RPF1: variants seen among roughly 807,000 people sequenced by gnomAD.
The protein encoded by RPF1 is ribosome production factor 1 homolog, also known as ribosome production factor 1.
A neutral mutation model predicts 41.9 loss-of-function variants in RPF1; 34 were observed. The observed-to-expected ratio is 0.81, with a 90% CI of 0.62 to 1.08. The LOEUF is 1.08. Ranked by LOEUF, RPF1 falls within the 50% of genes least tolerant of loss-of-function variation. The probability of loss-of-function intolerance (pLI) is 0.00; values close to 1 mark genes in which losing one functional copy is unlikely to be tolerated. For missense variants in RPF1, 425 were observed against 435.2 expected, an observed-to-expected ratio of 0.98 and a Z score of 0.21; for synonymous variants, 140 against 148.9, an observed-to-expected ratio of 0.94 and a Z score of 0.43.
intron 5 of RPF1, among the ~76,000 whole-genome samples, chr1:84,494,630 T>A (rs1681896084): frequency 6.6e-6 from 1 of 152,162 alleles, no homozygotes; most frequent in African/African-American, 2.4e-5. Flanking sequence ...TGAAGAATAT[T>A]ATATAGGTAG....
chr1:84,490,547 G>T, intron 5 of RPF1, 75 bp downstream of exon 5: 1 of 1,014,146 alleles, frequency 9.9e-7, no homozygotes, highest in Non-Finnish European at 1.4e-6. Context: ...AAAAGAATAA[G>T]GAAATATTGC....
chr1:84,482,999 A>G lies in RPF1; in HGVS notation c.366+4A>G, dbSNP rs765670625. On this transcript the variant is annotated splice_donor_region_variant and intron_variant, in intron 3 of 8. Transcript: ENST00000370654. The stretch of plus-strand genomic sequence containing the variant: ...AGTAGACCCTAATGATGAAGAGGTA[A>G]TGTTAGAAGTCTTAAATTAGTTTGA... 3 of 1,532,890 alleles carry G rather than the reference A, an allele frequency of 2.0e-6. No homozygotes were observed. In the South Asian group the frequency reaches 3.4e-5, roughly 17 times the overall value. 95.0% of individuals were successfully genotyped at this position (1,532,890 alleles called of 1,614,324 possible). A position where few individuals can be genotyped will look rare whatever the true frequency, so the allele number is the denominator to read the frequency against.
chr1:84,480,240 GCGT>G, intron 1 of RPF1, among the ~76,000 whole-genome samples: 1 of 152,170 alleles, frequency 6.6e-6, no homozygotes, highest in Non-Finnish European at 1.5e-5. Flanking sequence ...CATACAAGGG[GCGT>G]TTAACTCATT....
At chr1:84,483,141 G>A in intron 3 of RPF1, 146 bp downstream of exon 3, 3 of 500,930 alleles carry the variant, frequency 6.0e-6, no homozygotes, top group South Asian at 4.4e-5. Flanking sequence ...CTTATTATTT[G>A]GTGAAGACTA....
At chr1:84,480,803 G>A (rs72948421) in intron 1 of RPF1, among the ~76,000 whole-genome samples, 153 bp from the exon 2 acceptor site, 9,329 of 152,212 alleles carry the variant, frequency 0.061, 334 homozygotes, top group Non-Finnish European at 0.077. Flanking sequence ...AGTAATTTAG[G>A]TAGAAAACTC....
intron 2 of RPF1, among the ~76,000 whole-genome samples, chr1:84,482,247 A>G (rs1681663402): frequency 6.6e-6 from 1 of 152,112 alleles, no homozygotes; most frequent in African/African-American, 2.4e-5. Flanking sequence ...TCTGTGTTCT[A>G]CTTCTTAGCA....
intron 5 of RPF1, among the ~76,000 whole-genome samples, chr1:84,492,483 C>T (rs7541850): frequency 0.19 from 29,204 of 152,108 alleles, 4,337 homozygotes; most frequent in African/African-American, 0.41. Context: ...CCATTATTTT[C>T]TAGTTTTGTG....
chr1:84,490,871 G>GT (rs1269244136), intron 5 of RPF1, among the ~76,000 whole-genome samples: 1 of 152,220 alleles, frequency 6.6e-6, no homozygotes, highest in East Asian at 1.9e-4. Context: ...CCCATAGAAA[G>GT]AGATGCTGAA....
chr1:84,489,894 A>G (rs1202197910), intron 4 of RPF1, among the ~76,000 whole-genome samples, 166 bp downstream of exon 4: 2 of 152,244 alleles, frequency 1.3e-5, no homozygotes, highest in African/African-American at 2.4e-5. Context: ...TTTACTAAAC[A>G]TGATTCTTCA....
chr1:84,481,004 G>A lies in RPF1; in HGVS notation c.277G>A (p.Gly93Ser), dbSNP rs763657405. 1.9e-6 allele frequency: 3 copies of A among 1,584,734 alleles called. No homozygotes were observed. Among genetic ancestry groups the A allele is most frequent in the Non-Finnish European group, 2.6e-6 (3 of 1,158,826 alleles). ...KKLKKEREAL[G>S]DKAPPKPVPK... is the part of the protein sequence containing the mutation. ...ACTTAAAAAAGAAAGAGAGGCTCTT[G>A]GCGATAAGGTAAATAAAATTTTTAG... The change falls in exon 2 of 9, where the codon GGC becomes AGC. Residue 93 changes from glycine (G) to serine (S), a missense_variant. Transcript: ENST00000370654.
intron 8 of RPF1, 69 bp downstream of exon 8, chr1:84,496,439 G>A: frequency 7.2e-7 from 1 of 1,379,472 alleles, no homozygotes. Context: ...GGAGGAGAGA[G>A]AGCATCAGGA....
rs149970308 is a variant in RPF1, at chr1:84,496,004, C to T, written c.822C>T (p.Ile274=). 5.6e-5 allele frequency: 91 copies of T among 1,612,174 alleles called. No homozygotes were observed. The African/African-American group carries it at 7.6e-4, about 13-fold the overall frequency. ...ASLFPHNPQF[I]GRQVATFHNQ... ...TCTTTCCTCATAATCCTCAATTTAT[C>T]GGAAGGCAGGTTGCCACATTCCACA... The change falls in exon 7 of 9, where the codon ATC becomes ATT. Residue 274 remains isoleucine (I), a synonymous_variant. Coordinates refer to ENST00000370654, the MANE Select transcript of RPF1 (RefSeq NM_025065.7).
rs560629472 is a variant in RPF1 at position 84,496,205 on chromosome 1, A to G, written c.882-39A>G. ...GAACCCTGTCATAATGTTAAACAAT[A>G]GCTCATTCAGACTAATTTAACTCTT... On this transcript the variant is annotated intron_variant, in intron 7 of 8. Coordinates refer to ENST00000370654, the MANE Select transcript of RPF1 (RefSeq NM_025065.7). 1.9e-6 allele frequency: 3 copies of G among 1,579,296 alleles called. No homozygotes were observed. The South Asian group carries it at 3.4e-5, about 18-fold the overall frequency.
At chr1:84,491,698 CT>C (rs1293086089) in intron 5 of RPF1, among the ~76,000 whole-genome samples, 2 of 152,130 alleles carry the variant, frequency 1.3e-5, no homozygotes, top group African/African-American at 2.4e-5. Flanking sequence ...CTGTTTTCCT[CT>C]TTTTATTTTT....
chr1:84,481,369 G>A (rs933399238), intron 2 of RPF1, among the ~76,000 whole-genome samples: 6 of 152,194 alleles, frequency 3.9e-5, no homozygotes, highest in Non-Finnish European at 5.9e-5. Flanking sequence ...TGTTTCAGAG[G>A]TCAACACCTC....
rs1356089430 is a variant in RPF1, at chr1:84,497,029, A to G, written c.1009-400A>G. The stretch of plus-strand genomic sequence containing the variant: ...TGGGATTACAAGTGTGCACCACCAC[A>G]CCGGCTAATCTTTTCTATTTTTAGT... On this transcript the variant is annotated intron_variant, in intron 8 of 8. Transcript: ENST00000370654. Among the ~76,000 whole-genome samples the G allele has an allele frequency of 4.0e-5, 6 of 151,738 alleles. No homozygotes were observed. In the East Asian group the frequency reaches 1.2e-3, roughly 29 times the overall value.
Position 84,480,978 on chromosome 1 carries a change from AACTT to A in RPF1, c.253_256del (p.Leu85LysfsTer31). On this transcript the variant is annotated frameshift_variant, in exon 2 of 9. Coordinates refer to ENST00000370654, the MANE Select transcript of RPF1 (RefSeq NM_025065.7). LOFTEE classifies it high-confidence loss of function. ...TAGGAAAAGTTGGCAGCTAAGAAAA[AACTT>A]AAAAAAGAAAGAGAGGCTCTTGGCG... 1.3e-6 allele frequency: 2 copies of A among 1,594,660 alleles called. No homozygotes were observed. Among genetic ancestry groups the A allele is most frequent in the Non-Finnish European group, 1.7e-6 (2 of 1,165,696 alleles).
At position 84,489,635 on chromosome 1, in the gene RPF1, C is replaced by G; in HGVS notation, c.369C>G (p.Val123=). ...TTATTCCTCTTCTCTGTTCTCAGGT[C>G]GCTTATGATGAAGCTACAGATGAAT... The part of the protein sequence containing the change: ...ETTVDPNDEE[V]AYDEATDEFA... The change falls in exon 4 of 9, where the codon GTC becomes GTG. Residue 123 remains valine, a splice_region_variant and synonymous_variant. Transcript: ENST00000370654. The G allele has an allele frequency of 6.4e-7, 1 of 1,572,732 alleles. No homozygotes were observed. Among genetic ancestry groups the G allele is most frequent in the South Asian group, 1.1e-5 (1 of 90,206 alleles).
At chr1:84,490,289 A>T in intron 4 of RPF1, 30 bp from the exon 5 acceptor site, 1 of 1,466,026 alleles carries the variant, frequency 6.8e-7, no homozygotes, top group Non-Finnish European at 9.1e-7. Context: ...TTTGAAAACT[A>T]TTCAAAATTT....
Sources: allele counts gnomAD v4.1 joint callset (sites outside exome capture counted in the v4.1 genomes callset), GRCh38; gene constraint gnomAD v4.1.1; transcripts MANE v1.5; gene names NCBI Gene and HGNC (gene_info 2026-07-23, HGNC 2026-07-21).